Variants in FSTL5 observed in about 807,000 individuals in gnomAD.
FSTL5 encodes the protein follistatin like 5.
A neutral mutation model predicts 89.1 loss-of-function variants in FSTL5; 62 were observed. The observed-to-expected ratio is 0.70, with a 90% confidence interval of 0.57 to 0.86. The LOEUF (loss-of-function observed/expected upper bound fraction) is 0.86. FSTL5 is among the 40% of genes least tolerant of loss of function. The probability of loss-of-function intolerance (pLI) is 0.00; values close to 1 mark genes in which losing one functional copy is unlikely to be tolerated. For synonymous variants in FSTL5, 383 were observed against 346.2 expected (o/e 1.11, Z -1.18); for missense variants, 1,057 against 1,001.6 (o/e 1.06, Z -0.75).
At chr4:161,606,099 A>G (rs929970258) in intron 7 of FSTL5, among the ~76,000 whole-genome samples, 1 of 149,786 alleles carries the variant, frequency 6.7e-6, no homozygotes, top group East Asian at 1.9e-4. Flanking sequence ...GAGGCCATCC[A>G]AGACTAGCTG....
At chr4:161,998,514 TCA>T (rs1214765349) in intron 3 of FSTL5, among the ~76,000 whole-genome samples, 6 of 152,114 alleles carry the variant, frequency 3.9e-5, no homozygotes, top group Admixed American at 3.3e-4. Context: ...TTAAAATCCT[TCA>T]CCTTTGTTTC....
chr4:161,728,012 G>A (rs1016017890), intron 6 of FSTL5, among the ~76,000 whole-genome samples: 5 of 152,062 alleles, frequency 3.3e-5, no homozygotes, highest in Admixed American at 3.3e-4. Flanking sequence ...ACATGGAAAA[G>A]TCCAAATGTG....
intron 12 of FSTL5, among the ~76,000 whole-genome samples, chr4:161,484,738 T>C (rs1363440424): frequency 6.6e-6 from 1 of 152,214 alleles, no homozygotes; most frequent in Non-Finnish European, 1.5e-5. Context: ...GAGAGCTTAC[T>C]ATGTGAAGAA....
intron 4 of FSTL5, among the ~76,000 whole-genome samples, chr4:161,785,571 G>A (rs1741874905): frequency 6.6e-6 from 1 of 152,120 alleles, no homozygotes; most frequent in African/African-American, 2.4e-5. Context: ...TACAAGGCAA[G>A]TTTGATAAAC....
chr4:161,620,127 G>A (rs972479044), intron 7 of FSTL5, among the ~76,000 whole-genome samples: 78 of 144,688 alleles, frequency 5.4e-4, no homozygotes, highest in African/African-American at 1.9e-3. Context: ...CTCATAGGTG[G>A]GAATTGAACA....
Position 161,451,276 on chromosome 4 carries a change from T to C in FSTL5, c.1841+3728A>G, listed in dbSNP as rs189120153. Among the ~76,000 whole-genome samples, 1,179 of 152,300 alleles carry C rather than the reference T, an allele frequency of 7.7e-3. 5 individuals are homozygous for C. The highest frequency in any genetic ancestry group is 0.02 in the Middle Eastern group (6 of 294). On this transcript the variant is annotated intron_variant, in intron 15 of 15. Transcript: ENST00000306100. ...TTTAAATTTTTTAAAGAAAAATTTT[T>C]ACTAACTTCAAGTCTGAGAATGTGT...
chr4:161,535,167 G>T (rs751847916), intron 10 of FSTL5, among the ~76,000 whole-genome samples: 23 of 152,066 alleles, frequency 1.5e-4, no homozygotes, highest in Admixed American at 3.9e-4. Flanking sequence ...TTTTGGCAGA[G>T]AATTTATGGC....
At chr4:161,449,734 C>CT (rs377594623) in intron 15 of FSTL5, among the ~76,000 whole-genome samples, 47 of 149,466 alleles carry the variant, frequency 3.1e-4, no homozygotes, top group South Asian at 2.1e-3. Context: ...CATAATACAT[C>CT]TTTTTTTTTT....
At chr4:161,681,133 T>G (rs1737504287) in intron 6 of FSTL5, among the ~76,000 whole-genome samples, 1 of 152,012 alleles carries the variant, frequency 6.6e-6, no homozygotes, top group African/African-American at 2.4e-5. Flanking sequence ...AAATAGCCTC[T>G]GAGTGTGCAT....
At chr4:161,737,910 T>A (rs1387528766) in intron 6 of FSTL5, among the ~76,000 whole-genome samples, 1 of 152,092 alleles carries the variant, frequency 6.6e-6, no homozygotes, top group Non-Finnish European at 1.5e-5. Flanking sequence ...GTGTAACCAT[T>A]CTTACTCATT....
chr4:161,737,422 G>A (rs1221622954), intron 6 of FSTL5, among the ~76,000 whole-genome samples: 1 of 151,870 alleles, frequency 6.6e-6, no homozygotes, highest in African/African-American at 2.4e-5. Context: ...ACGTAATGTG[G>A]GGAAGAAGAC....
chr4:162,155,281 A>G (rs886702396), intron 1 of FSTL5, among the ~76,000 whole-genome samples: 6 of 152,200 alleles, frequency 3.9e-5, no homozygotes, highest in African/African-American at 1.4e-4. Flanking sequence ...TCAGAAGCAG[A>G]AGCAGTCAGA....
At chr4:161,821,194 T>C (rs958538644) in intron 4 of FSTL5, among the ~76,000 whole-genome samples, 2 of 151,918 alleles carry the variant, frequency 1.3e-5, no homozygotes, top group African/African-American at 2.4e-5. Flanking sequence ...CAGCACACCA[T>C]GTCTGGCTAA....
Position 162,128,723 on chromosome 4 carries a change from T to C in FSTL5, c.-16-17311A>G, listed in dbSNP as rs1161129457. ...AAAGATTAAGAAAATAGAAAAAAGC[T>C]GTTGGTATTTTCTTTTTCCCGATCT... On this transcript the variant is annotated intron_variant, in intron 1 of 15. Coordinates refer to ENST00000306100, the MANE Select transcript of FSTL5 (RefSeq NM_020116.5). Among the ~76,000 whole-genome samples, 4 of 152,184 alleles carry C rather than the reference T, an allele frequency of 2.6e-5. No homozygotes were observed. In the East Asian group the frequency reaches 7.7e-4, roughly 29 times the overall value.
chr4:161,792,243 C>T (rs1311348698), intron 4 of FSTL5, among the ~76,000 whole-genome samples: 2 of 152,176 alleles, frequency 1.3e-5, no homozygotes. Context: ...CCCCTGCTGC[C>T]TCAGCCCCAT....
At chr4:161,605,099 TACTCATTTTATATCCTACTC>T (rs1444835310) in intron 7 of FSTL5, among the ~76,000 whole-genome samples, 1 of 152,168 alleles carries the variant, frequency 6.6e-6, no homozygotes, top group Admixed American at 6.5e-5. Flanking sequence ...TTTTGCTCTG[TACTCATTTTATATCCTACTC>T]ACCCACCAAT....
chr4:162,080,063 A>T (rs1730030396), intron 2 of FSTL5, among the ~76,000 whole-genome samples: 1 of 151,540 alleles, frequency 6.6e-6, no homozygotes, highest in Non-Finnish European at 1.5e-5. Flanking sequence ...CCACCTCCCC[A>T]GAATGATATT....
chr4:162,007,346 G>C (rs1469801952), intron 3 of FSTL5, among the ~76,000 whole-genome samples: 1 of 151,638 alleles, frequency 6.6e-6, no homozygotes, highest in Non-Finnish European at 1.5e-5. Context: ...TCTATGTTGA[G>C]TTACTAACAT....
At chr4:161,582,737 T>G (rs2126601573) in intron 8 of FSTL5, among the ~76,000 whole-genome samples, 1 of 152,336 alleles carries the variant, frequency 6.6e-6, no homozygotes, top group African/African-American at 2.4e-5. Flanking sequence ...AGTTACCTAC[T>G]TGATATTTAT....
Sources: gnomAD v4.1 joint callset for allele counts (sites outside exome capture counted in the v4.1 genomes callset) on GRCh38, gnomAD v4.1.1 for gene constraint, MANE v1.5 for transcripts, NCBI Gene and HGNC (gene_info 2026-07-23, HGNC 2026-07-21) for gene names.